TCHH: variants seen among roughly 807,000 people sequenced by gnomAD.
TCHH encodes trichohyalin.
TCHH carries 6 observed loss-of-function variants against 6.3 expected under a neutral mutation model. That is an observed-to-expected ratio of 0.95 (90% confidence interval 0.52 to 1.88). The LOEUF (loss-of-function observed/expected upper bound fraction) is 1.88, where lower values mean the gene tolerates loss of function less well. Ranked by LOEUF, TCHH falls within the 40% of genes most tolerant of loss-of-function variation. The pLI, the probability that TCHH is intolerant of heterozygous loss-of-function variation, is 0.01. For missense variants in TCHH, 2,920 were observed against 2,449.1 expected, an observed-to-expected ratio of 1.19 and a Z score of -4.06; for synonymous variants, 1,087 against 963.6, an observed-to-expected ratio of 1.13 and a Z score of -2.37.
Position 152,107,507 on chromosome 1 carries a change from G to A in TCHH, c.5710C>T (p.Gln1904Ter), listed in dbSNP as rs774222196. 3 of 1,614,170 alleles carry A rather than the reference G, an allele frequency of 1.9e-6. No homozygotes were observed. Among genetic ancestry groups the A allele is most frequent in the Non-Finnish European group, 2.5e-6 (3 of 1,180,030 alleles). ...RHRQVGEIKS[Q>*]EGKGHGRLLE... ...AGCCGCCCATGGCCCTTCCCTTCTTGGGATTTTATCTCCCCGACTTGGCGG... is the reference window on the plus strand; with the variant it reads ...AGCCGCCCATGGCCCTTCCCTTCTTAGGATTTTATCTCCCCGACTTGGCGG... Residue 1904 changes from glutamine (Q) to a stop codon, truncating the protein, a stop_gained, in exon 3 of 3, where the codon CAA becomes TAA. Coordinates refer to ENST00000614923, the MANE Select transcript of TCHH (RefSeq NM_007113.4). LOFTEE classifies it high-confidence loss of function.
rs766770341 is a variant in TCHH, at chr1:152,107,978, T to G, written c.5239A>C (p.Arg1747=). The G allele has an allele frequency of 6.2e-7, 1 of 1,612,600 alleles. No homozygotes were observed. The highest frequency in any genetic ancestry group is 1.1e-5 in the South Asian group (1 of 90,986). The change falls in exon 3 of 3, where the codon AGA becomes CGA. Residue 1747 remains arginine, a synonymous_variant. Coordinates refer to ENST00000614923, the MANE Select transcript of TCHH (RefSeq NM_007113.4). ...QEQLRRQERY[R]KILEEEQLRP... ...AGCTGCTCTTCCTCTAGGATTTTTC[T>G]GTAGCGTTCTTGGCGGCGCAGCTGC...
At position 152,111,849 on chromosome 1, in the gene TCHH, A is replaced by G. The variant is rs188559169; in HGVS notation, c.1368T>C (p.Asp456=). 11 of 1,233,126 alleles carry G rather than the reference A, an allele frequency of 8.9e-6. No individual in the cohort carries two copies. In the Admixed American group the frequency reaches 2.0e-4, roughly 23 times the overall value. The allele number at this position is 1,233,126 out of a possible 1,614,324, so 76.4% of individuals were successfully genotyped here. A position where few individuals can be genotyped will look rare whatever the true frequency, so the allele number is the denominator to read the frequency against. The change falls in exon 3 of 3, where the codon GAT becomes GAC. Residue 456 remains aspartate, a synonymous_variant. Transcript: ENST00000614923. ...CCGTCTCCTCCTCGCGCTTCAGCCA[A>G]TCGCGCCTCTCCTCCTGCTCGCGCT... ...RLKREQEERR[D]WLKREEETER... is the part of the protein sequence containing the mutation.
rs761187559 is a variant in TCHH at position 152,110,105 on chromosome 1, G to C, written c.3112C>G (p.Arg1038Gly). ...QEEEQLLREE[R>G]EKRRLQERER... ...CGCTCCTGGAGTCTTCTTTTCTCCC[G>C]TTCCTCTCTCAGCAGCTGCTCTTCT... The change falls in exon 3 of 3, where the codon CGG becomes GGG. Residue 1038 changes from arginine to glycine, a missense_variant. By Grantham distance (125) the Arg-to-Gly change is moderately radical (BLOSUM62 -2). Coordinates refer to ENST00000614923, the MANE Select transcript of TCHH (RefSeq NM_007113.4). 2 of 1,609,498 alleles carry C rather than the reference G, an allele frequency of 1.2e-6. No individual in the cohort carries two copies. The highest frequency in any genetic ancestry group is 2.7e-5 in the African/African-American group (2 of 73,204).
At position 152,112,877 on chromosome 1, in the gene TCHH, T is replaced by G. The variant is rs781118919; in HGVS notation, c.340A>C (p.Arg114=). Residue 114 remains arginine (R), a synonymous_variant, in exon 3 of 3, where the codon AGG becomes CGG. Transcript: ENST00000614923. ...DGKESLLQDR[R]QEEDQRRFEP... ...AATCTCCTTTGGTCTTCTTCTTGCC[T>G]GCGATCTTGTAACAGGCTCTCCTTT... The G allele has an allele frequency of 1.2e-6, 2 of 1,613,952 alleles. No individual in the cohort carries two copies. The highest frequency in any genetic ancestry group is 1.1e-5 in the South Asian group (1 of 91,066).
Position 152,110,606 on chromosome 1 carries a change from C to T in TCHH, c.2611G>A (p.Asp871Asn), listed in dbSNP as rs922951828. ...ERRRSQEQRRDQKWRWQLEEE... is the reference protein window; with the variant it reads ...ERRRSQEQRRNQKWRWQLEEE... Reference sequence around the variant, plus strand: ...TCTAGTTGCCACCTCCATTTTTGGTCGCGGCGCTGCTCCTGGCTTCGCCTC... The same window carrying T: ...TCTAGTTGCCACCTCCATTTTTGGTTGCGGCGCTGCTCCTGGCTTCGCCTC... The change falls in exon 3 of 3, where the codon GAC becomes AAC. Residue 871 changes from aspartate (D) to asparagine (N), a missense_variant. By Grantham distance (23) the Asp-to-Asn change is conservative. Coordinates refer to ENST00000614923, the MANE Select transcript of TCHH (RefSeq NM_007113.4). The T allele has an allele frequency of 4.3e-6, 7 of 1,614,000 alleles. No individual in the cohort carries two copies. Among genetic ancestry groups the T allele is most frequent in the African/African-American group, 1.3e-5 (1 of 74,902 alleles).
chr1:152,112,130 G>C lies in TCHH; in HGVS notation c.1087C>G (p.Gln363Glu), dbSNP rs1301119823. 10 of 1,566,334 alleles carry C rather than the reference G, an allele frequency of 6.4e-6. No homozygotes were observed. In the East Asian group the frequency reaches 6.9e-5, roughly 11 times the overall value. ...TCCTCCTCCTGCTCGCGCCTCAGCTGCTGCTCGCGCCTCTCCTCCTCCTGC... is the reference window on the plus strand; with the variant it reads ...TCCTCCTCCTGCTCGCGCCTCAGCTCCTGCTCGCGCCTCTCCTCCTCCTGC... ...REQEEERREQ[Q>E]LRREQEEERR... The change falls in exon 3 of 3, where the codon CAG (glutamine) becomes GAG (glutamate). Residue 363 changes from glutamine (Q) to glutamate (E), a missense_variant. By Grantham distance (29) the Gln-to-Glu change is conservative (BLOSUM62 2). Coordinates refer to ENST00000614923, the MANE Select transcript of TCHH (RefSeq NM_007113.4).
rs768241755 is a variant in TCHH, at chr1:152,108,379, A to T, written c.4838T>A (p.Leu1613Gln). Reference protein sequence around the residue: ...QLRRQEGQQQLRQERDRKFRE... With the variant: ...QLRRQEGQQQQRQERDRKFRE... ...GAATTTTCTGTCGCGCTCCTGGCGC[A>T]GCTGTTGTTGGCCCTCCTGGCGGCG... Residue 1613 changes from leucine (L) to glutamine (Q), a missense_variant, in exon 3 of 3, where the codon CTG (leucine) becomes CAG (glutamine). By Grantham distance (113) the Leu-to-Gln change is moderately radical (BLOSUM62 -2). Coordinates refer to ENST00000614923, the MANE Select transcript of TCHH (RefSeq NM_007113.4). The T allele has an allele frequency of 6.2e-7, 1 of 1,606,368 alleles. No individual in the cohort carries two copies. The highest frequency in any genetic ancestry group is 8.5e-7 in the Non-Finnish European group (1 of 1,177,790).
rs763527749 is a variant in TCHH at position 152,108,547 on chromosome 1, A to C, written c.4670T>G (p.Phe1557Cys). ...QQRRQDRDRKFREEEQLRQER... is the reference protein window; with the variant it reads ...QQRRQDRDRKCREEEQLRQER... ...CTGGCGCAGCTGTTCCTCCTCGCGG[A>C]ATTTTCTGTCACGGTCCTGACGCCG... Residue 1557 changes from phenylalanine (F) to cysteine (C), a missense_variant, in exon 3 of 3, where the codon TTC becomes TGC. Phe to Cys is a radical substitution (Grantham distance 205). Coordinates refer to ENST00000614923, the MANE Select transcript of TCHH (RefSeq NM_007113.4). 6.3e-7 allele frequency: 1 copy of C among 1,599,696 alleles called. No individual in the cohort carries two copies.
chr1:152,114,770 A>C (rs1015639143), intron 1 of TCHH, among the ~76,000 whole-genome samples: 3 of 152,226 alleles, frequency 2.0e-5, no homozygotes, highest in African/African-American at 7.2e-5. Context: ...ACCTGCCTCA[A>C]CTCAGATATA....
In TCHH at chr1:152,108,890, C is replaced by G; in HGVS notation, c.4327G>C (p.Glu1443Gln). 1 of 1,613,436 alleles carries G rather than the reference C, an allele frequency of 6.2e-7. No homozygotes were observed. Among genetic ancestry groups the G allele is most frequent in the Non-Finnish European group, 8.5e-7 (1 of 1,179,826 alleles). The change falls in exon 3 of 3, where the codon GAA becomes CAA. Residue 1443 changes from glutamate (E) to glutamine (Q), a missense_variant. Transcript: ENST00000614923. ...REEEQQVRRQ[E>Q]RERKFLEEEQ... ...TCCTCCAGGAATTTTCTCTCTCGTT[C>G]CTGGCGGCGCACCTGCTGTTCCTCT...
In TCHH at chr1:152,109,906, T is replaced by C; in HGVS notation, c.3311A>G (p.Gln1104Arg). 1 of 1,592,006 alleles carries C rather than the reference T, an allele frequency of 6.3e-7. No homozygotes were observed. The highest frequency in any genetic ancestry group is 8.5e-7 in the Non-Finnish European group (1 of 1,171,270). ...LREEPEKRRRQERERQCREEE... is the reference protein window; with the variant it reads ...LREEPEKRRRRERERQCREEE... ...CTCCCGACATTGCCTCTCCCGCTCC[T>C]GGCGCCTTCTCTTCTCCGGTTCCTC... The change falls in exon 3 of 3, where the codon CAG becomes CGG. Residue 1104 changes from glutamine to arginine, a missense_variant. Transcript: ENST00000614923.
Position 152,111,003 on chromosome 1 carries a change from C to G in TCHH, c.2214G>C (p.Lys738Asn). 1 of 1,613,614 alleles carries G rather than the reference C, an allele frequency of 6.2e-7. No individual in the cohort carries two copies. The highest frequency in any genetic ancestry group is 8.5e-7 in the Non-Finnish European group (1 of 1,180,028). Residue 738 changes from lysine to asparagine, a missense_variant, in exon 3 of 3, where the codon AAG becomes AAC. Physicochemically the swap from Lys to Asn is moderately conservative, Grantham distance 94. Transcript: ENST00000614923. ...GQRRRQEQEE[K>N]RRRRESELQW... ...GCAGCTCACTCTCCCGGCGCCGCCT[C>G]TTTTCCTCCTGCTCTTGGCGGCGCC...
At position 152,107,112 on chromosome 1, in the gene TCHH, TAAATG is replaced by T. The variant is rs1414846908; in HGVS notation, c.*268_*272del. ...CTCAAACAAAATTTCTTAAACAAAT[TAAATG>T]ATTTATATTTTTTTTAAATGCACAC... On this transcript the variant is annotated 3_prime_UTR_variant, in exon 3 of 3. Transcript: ENST00000614923. 6 of 307,776 alleles carry T rather than the reference TAAATG, an allele frequency of 1.9e-5. No individual in the cohort carries two copies. Among genetic ancestry groups the T allele is most frequent in the Admixed American group, 1.3e-4 (3 of 22,280 alleles). The allele number at this position is 307,776 out of a possible 1,614,324, so 19.1% of individuals were successfully genotyped here. A position where few individuals can be genotyped will look rare whatever the true frequency, so the allele number is the denominator to read the frequency against.
chr1:152,110,674 T>C lies in TCHH; in HGVS notation c.2543A>G (p.Gln848Arg). 3 of 1,613,298 alleles carry C rather than the reference T, an allele frequency of 1.9e-6. No homozygotes were observed. ...GAGGCCGTCCTCCTCCTCCTGGAGC[T>C]GTTGGGCACGCTCCCGCCGCTGGAG... ...EQLQRRERAQ[Q>R]LQEEEDGLQE... Residue 848 changes from glutamine to arginine, a missense_variant, in exon 3 of 3, where the codon CAG (glutamine) becomes CGG (arginine). By Grantham distance (43) the Gln-to-Arg change is conservative. Transcript: ENST00000614923.
chr1:152,112,224 C>T lies in TCHH; in HGVS notation c.993G>A (p.Gln331=), dbSNP rs748436524. The T allele has an allele frequency of 4.2e-5, 67 of 1,599,260 alleles. No individual in the cohort carries two copies. The Admixed American group carries it at 1.1e-3, about 27-fold the overall frequency. Residue 331 remains glutamine, a synonymous_variant, in exon 3 of 3, where the codon CAG becomes CAA. Coordinates refer to ENST00000614923, the MANE Select transcript of TCHH (RefSeq NM_007113.4). ...TCAGCTGCTGCTCGCGCCTCTCCTC[C>T]TGCTGCTCGCGCCTCTCCTGCTGCT... ...RREQQERREQ[Q]EERREQQLRR...
Position 152,110,321 on chromosome 1 carries a change from GCTT to G in TCHH, c.2893_2895del (p.Lys965del). On this transcript the variant is annotated inframe_deletion, in exon 3 of 3. Transcript: ENST00000614923. ...AGCAGCTGCTCTTCCTTCTGCTGCA[GCTT>G]CTTATCCTTCCGATATTGCCTTTCC... The G allele has an allele frequency of 6.2e-7, 1 of 1,609,572 alleles. No individual in the cohort carries two copies. The highest frequency in any genetic ancestry group is 8.5e-7 in the Non-Finnish European group (1 of 1,178,358).
Position 152,108,219 on chromosome 1 carries a change from G to A in TCHH, c.4998C>T (p.Asp1666=), listed in dbSNP as rs1229048278. The A allele has an allele frequency of 1.4e-5, 23 of 1,603,404 alleles. No homozygotes were observed. Among genetic ancestry groups the A allele is most frequent in the Non-Finnish European group, 2.0e-5 (23 of 1,177,470 alleles). Residue 1666 remains aspartate (D), a synonymous_variant, in exon 3 of 3, where the codon GAC becomes GAT. Transcript: ENST00000614923. ...EREQQLRHDR[D]RKFREEEQLL... ...GCTGTTCCTCTTCACGGAATTTTCT[G>A]TCGCGGTCGTGACGCAGCTGTTGTT...
chr1:152,113,136 A>G (rs1557813757), intron 2 of TCHH, 58 bp from the exon 3 acceptor site: 35 of 1,417,340 alleles, frequency 2.5e-5, no homozygotes, highest in Non-Finnish European at 3.3e-5. Flanking sequence ...TGGTAAAATT[A>G]TATTCACACA....
chr1:152,112,274 GC>G lies in TCHH; in HGVS notation c.942del (p.Arg314SerfsTer26). 1.2e-6 allele frequency: 2 copies of G among 1,601,798 alleles called. No homozygotes were observed. The highest frequency in any genetic ancestry group is 1.7e-6 in the Non-Finnish European group (2 of 1,177,730). On this transcript the variant is annotated frameshift_variant, in exon 3 of 3. Transcript: ENST00000614923. LOFTEE classifies it low-confidence loss of function (END_TRUNC). ...QQLRRKQEEE[R>X]REQQEERREQ... The stretch of plus-strand genomic sequence containing the variant: ...TCGCGCCTCTCCTCCTGCTGCTCGC[GC>G]CTCTCCTCCTCCTGCTTGCGCCTTA...
Sources: gnomAD v4.1 joint callset for allele counts (sites outside exome capture counted in the v4.1 genomes callset) on GRCh38, gnomAD v4.1.1 for gene constraint, MANE v1.5 for transcripts, NCBI Gene and HGNC (gene_info 2026-07-23, HGNC 2026-07-21) for gene names.